The following RAG1 variants were observed in gnomAD, a reference collection of about 807,000 sequenced individuals.
The protein encoded by RAG1 is recombination activating 1.
RAG1 carries 35 observed loss-of-function variants against 62.7 expected under a neutral mutation model. The observed-to-expected ratio is 0.56, with a 90% confidence interval of 0.43 to 0.74. RAG1 has a LOEUF of 0.74. Ranked by LOEUF, RAG1 falls within the 30% of genes least tolerant of loss-of-function variation. The pLI is 0.00. For synonymous variants in RAG1, 461 were observed against 470.3 expected, an observed-to-expected ratio of 0.98 and a Z score of 0.26; for missense variants, 1,169 against 1,278.6, an observed-to-expected ratio of 0.91 and a Z score of 1.31.
At chr11:36,513,733 A>G (rs564651542) in intron 1 of RAG1, among the ~76,000 whole-genome samples, 12 of 152,358 alleles carry the variant, frequency 7.9e-5, no homozygotes, top group Non-Finnish European at 1.2e-4. Context: ...CATGTCTTAC[A>G]TGGCAGCAGA....
intron 3 of RAG1, among the ~76,000 whole-genome samples, chr11:36,543,368 G>A (rs1290780168): frequency 6.6e-6 from 1 of 152,174 alleles, no homozygotes; most frequent in Non-Finnish European, 1.5e-5. Flanking sequence ...CTGATGCCCT[G>A]TACCCCACAC....
chr11:36,530,312 T>C (rs1937507092), intron 2 of RAG1, among the ~76,000 whole-genome samples: 1 of 152,086 alleles, frequency 6.6e-6, no homozygotes, highest in Admixed American at 6.6e-5. Flanking sequence ...TAGGTATGCC[T>C]TTTCAATTTC....
chr11:36,548,198 C>T (rs1850427849), intron 3 of RAG1, among the ~76,000 whole-genome samples: 2 of 152,136 alleles, frequency 1.3e-5, no homozygotes, highest in Admixed American at 1.3e-4. Context: ...AGAAGCATTT[C>T]CTTTGAAAAC....
intron 2 of RAG1, among the ~76,000 whole-genome samples, chr11:36,525,709 A>G (rs771530783): frequency 3.3e-5 from 5 of 152,140 alleles, no homozygotes; most frequent in Admixed American, 6.5e-5. Flanking sequence ...GCACATTTTC[A>G]TTGCTAGTAT....
At chr11:36,527,219 C>T in intron 2 of RAG1, among the ~76,000 whole-genome samples, 1 of 152,048 alleles carries the variant, frequency 6.6e-6, no homozygotes, top group East Asian at 1.9e-4. Flanking sequence ...CGTTTTAGGC[C>T]TTATATTTAA....
chr11:36,576,190 G>A lies in RAG1; in HGVS notation c.2886G>A (p.Glu962=). The change falls in exon 2 of 2, where the codon GAG becomes GAA. Residue 962 remains glutamate, a synonymous_variant. Transcript: ENST00000299440. ...GCTCCATTGGGGCATGGGCAAGTGA[G>A]GGAAATGAGTCTGGTAACAAACTGT... ...RDGSIGAWAS[E]GNESGNKLFR... The A allele has an allele frequency of 6.2e-7, 1 of 1,614,122 alleles. No individual in the cohort carries two copies. Among genetic ancestry groups the A allele is most frequent in the South Asian group, 1.1e-5 (1 of 91,086 alleles).
rs1386514964 is a variant in RAG1 at position 36,576,603 on chromosome 11, A to T, written c.*167A>T. 3 of 785,676 alleles carry T rather than the reference A, an allele frequency of 3.8e-6. No individual in the cohort carries two copies. The African/African-American group carries it at 5.2e-5, about 14-fold the overall frequency. The allele number at this position is 785,676 out of a possible 1,614,324, so 48.7% of individuals were successfully genotyped here. ...GCTCTCAAGTCAGGAATAGAAACTGATGAGCTGATTGCTTGAGGCTTTTAG... is the reference window on the plus strand; with the variant it reads ...GCTCTCAAGTCAGGAATAGAAACTGTTGAGCTGATTGCTTGAGGCTTTTAG... On this transcript the variant is annotated 3_prime_UTR_variant, in exon 2 of 2. Transcript: ENST00000299440.
At chr11:36,538,743 G>C (rs1480675667), downstream of RAG1, among the ~76,000 whole-genome samples, 1 of 152,116 alleles carries the variant, frequency 6.6e-6, no homozygotes, top group Non-Finnish European at 1.5e-5. Context: ...TGCCTTTGAA[G>C]TCTGCTTCTC....
At chr11:36,519,955 C>A (rs1860052533) in intron 1 of RAG1, among the ~76,000 whole-genome samples, 1 of 152,114 alleles carries the variant, frequency 6.6e-6, no homozygotes, top group Non-Finnish European at 1.5e-5. Flanking sequence ...TCTGAAATAG[C>A]CACCGTGATT....
Position 36,543,217 on chromosome 11 carries a change from T to C in RAG1, c.-412+7183T>C, listed in dbSNP as rs74696584. 4.8e-4 allele frequency among the ~76,000 whole-genome samples: 73 copies of C among 152,304 alleles called. 1 individual carries two copies. In the East Asian group the frequency reaches 0.011, roughly 23 times the overall value. On this transcript the variant is annotated intron_variant and NMD_transcript_variant, in intron 3 of 9. Transcript: ENST00000534663. ...GTATAGCCTTGATTAGACCCCAGTC[T>C]CTGTGGACATCACCCTGGTCATCTG...
chr11:36,523,600 A>C (rs1860114287), intron 2 of RAG1, among the ~76,000 whole-genome samples: 1 of 152,200 alleles, frequency 6.6e-6, no homozygotes, highest in African/African-American at 2.4e-5. Flanking sequence ...TACATAATAA[A>C]CATTATCCAA....
intron 2 of RAG1, among the ~76,000 whole-genome samples, chr11:36,524,963 T>C (rs903347120): frequency 2.0e-5 from 3 of 152,212 alleles, no homozygotes; most frequent in Admixed American, 2.0e-4. Context: ...TGAGTTTTTG[T>C]ATTAAGAGAT....
At chr11:36,547,769 A>AT (rs1342676881) in intron 3 of RAG1, among the ~76,000 whole-genome samples, 1 of 152,210 alleles carries the variant, frequency 6.6e-6, no homozygotes, top group Non-Finnish European at 1.5e-5. Context: ...CCCCTAACTC[A>AT]TTTTATGAGG....
rs954968463 is a variant in RAG1, at chr11:36,535,873, A to G, written n.429-86A>G. On this transcript the variant is annotated intron_variant and non_coding_transcript_variant, in intron 2 of 2. Coordinates refer to the RAG1 transcript ENST00000529126. Reference sequence around the variant, plus strand: ...GTCTTTTTTTTGTTTTAAATATTTCAATGCTATATCATTAACCCATGAAAA... The same window carrying G: ...GTCTTTTTTTTGTTTTAAATATTTCGATGCTATATCATTAACCCATGAAAA... The G allele has an allele frequency of 5.9e-5, 9 of 152,292 alleles. No individual in the cohort carries two copies. The South Asian group carries it at 1.9e-3, about 32-fold the overall frequency. 9.4% of individuals were successfully genotyped at this position (152,292 alleles called of 1,614,324 possible).
intron 1 of RAG1, among the ~76,000 whole-genome samples, chr11:36,569,018 A>G (rs1850699844): frequency 6.6e-6 from 1 of 152,192 alleles, no homozygotes; most frequent in African/African-American, 2.4e-5. Context: ...GCACACAGTT[A>G]TTACTTGGAA....
chr11:36,563,677 A>G (rs886148596), upstream of RAG1, among the ~76,000 whole-genome samples: 3 of 152,202 alleles, frequency 2.0e-5, no homozygotes, highest in African/African-American at 7.2e-5. Flanking sequence ...CTCATTATAT[A>G]TAAAACAAAG....
chr11:36,523,267 C>G (rs541301399), intron 2 of RAG1, among the ~76,000 whole-genome samples: 1 of 152,092 alleles, frequency 6.6e-6, no homozygotes, highest in Non-Finnish European at 1.5e-5. Context: ...ATCATGGGGG[C>G]GGGTAGTTCT....
rs558105488 is a variant in RAG1 at position 36,543,722 on chromosome 11, G to A, written c.-412+7688G>A. 5.9e-5 allele frequency among the ~76,000 whole-genome samples: 9 copies of A among 152,288 alleles called. No homozygotes were observed. In the South Asian group the frequency reaches 1.9e-3, roughly 32 times the overall value. On this transcript the variant is annotated intron_variant and NMD_transcript_variant, in intron 3 of 9. Transcript: ENST00000534663. The stretch of plus-strand genomic sequence containing the variant: ...TCTTAGTCCAGATTTATTATTTATG[G>A]AATACACTAAATTCAGAAGGCTTAG...
intron 2 of RAG1, among the ~76,000 whole-genome samples, chr11:36,525,512 T>C (rs1403977287): frequency 1.3e-5 from 2 of 152,194 alleles, no homozygotes; most frequent in East Asian, 3.8e-4. Context: ...TATATGAATA[T>C]TTCAGTCAAT....
Sources: gnomAD v4.1 joint callset for allele counts (sites outside exome capture counted in the v4.1 genomes callset) on GRCh38, gnomAD v4.1.1 for gene constraint, MANE v1.5 for transcripts, NCBI Gene and HGNC (gene_info 2026-07-23, HGNC 2026-07-21) for gene names.